Variants in NWD1 observed in about 807,000 individuals in gnomAD.
NWD1 encodes NACHT and WD repeat domain containing 1, also known as NACHT domain- and WD repeat-containing protein 1.
Under a neutral mutation model 135.1 loss-of-function variants are expected in NWD1, and 129 were observed. That is an observed-to-expected ratio of 0.96 (90% CI 0.83 to 1.11). NWD1 has a LOEUF of 1.11. Ranked by LOEUF, NWD1 falls within the 50% of genes least tolerant of loss-of-function variation. The pLI is 0.00. For missense variants in NWD1, 1,740 were observed against 1,851.3 expected (o/e 0.94, Z 1.10); for synonymous variants, 773 against 786.0 (o/e 0.98, Z 0.28).
At position 16,750,211 on chromosome 19, in the gene NWD1, C is replaced by T; in HGVS notation, c.1569C>T (p.Leu523=). 1 of 1,613,264 alleles carries T rather than the reference C, an allele frequency of 6.2e-7. No homozygotes were observed. The highest frequency in any genetic ancestry group is 8.5e-7 in the Non-Finnish European group (1 of 1,179,686). The part of the protein sequence containing the change: ...RTLSPVHTDL[L]WASLPECGNP... Reference sequence around the variant, plus strand: ...TGAGCCCGGTGCACACAGATTTGCTCTGGGCCAGCCTCCCAGAGTGTGGGA... The same window carrying T: ...TGAGCCCGGTGCACACAGATTTGCTTTGGGCCAGCCTCCCAGAGTGTGGGA... The change falls in exon 6 of 19, where the codon CTC becomes CTT. Residue 523 remains leucine, a synonymous_variant. Coordinates refer to ENST00000524140, the MANE Select transcript of NWD1 (RefSeq NM_001007525.5).
Position 16,791,590 on chromosome 19 carries a change from GTTACCGGGTTTAGCAA to G in NWD1, c.3183_3198del (p.Thr1062AlafsTer21). ...CTCAGTCCAGAAGCAAGGAAAGCTT[GTTACCGGGTTTAGCAA>G]TGGCTCCATCTCTTTGGTAAGCACC... On this transcript the variant is annotated frameshift_variant, in exon 14 of 19. Transcript: ENST00000524140. LOFTEE classifies it high-confidence loss of function. The G allele has an allele frequency of 6.2e-7, 1 of 1,614,208 alleles. No homozygotes were observed. Among genetic ancestry groups the G allele is most frequent in the Non-Finnish European group, 8.5e-7 (1 of 1,180,036 alleles).
Position 16,762,063 on chromosome 19 carries a change from A to G in NWD1, c.2058A>G (p.Ser686=). ...ATGGCGTCCTGGCCGACTTCTTCTC[A>G]GGGACCTGGAGCCAGGGTACCAAGA... is the stretch of plus-strand genomic sequence containing the variant. ...KRHGVLADFF[S]GTWSQGTKKL... is the part of the protein sequence containing the mutation. The change falls in exon 8 of 19, where the codon TCA becomes TCG. Residue 686 remains serine, a synonymous_variant. Transcript: ENST00000524140. The G allele has an allele frequency of 6.2e-7, 1 of 1,614,096 alleles. No individual in the cohort carries two copies.
intron 6 of NWD1, among the ~76,000 whole-genome samples, chr19:16,757,586 C>G (rs1298442021): frequency 1.3e-5 from 2 of 152,186 alleles, no homozygotes; most frequent in Non-Finnish European, 2.9e-5. Context: ...TGACCATGCA[C>G]AGCCCTGTTT....
chr19:16,783,004 C>G (rs1969911648), intron 12 of NWD1, among the ~76,000 whole-genome samples: 1 of 136,222 alleles, frequency 7.3e-6, no homozygotes, highest in South Asian at 2.4e-4. Context: ...TTCTCTCTCT[C>G]TTTCTTTCTT....
intron 4 of NWD1, among the ~76,000 whole-genome samples, chr19:16,738,566 C>CAAAA (rs770498066): frequency 1.1e-5 from 1 of 91,506 alleles, no homozygotes; most frequent in African/African-American, 3.8e-5. Flanking sequence ...GAGACTCTGT[C>CAAAA]AAAAAAAAAA....
chr19:16,814,806 A>G (rs924251433), intron 18 of NWD1, among the ~76,000 whole-genome samples: 4 of 152,192 alleles, frequency 2.6e-5, no homozygotes, highest in African/African-American at 9.7e-5. Flanking sequence ...GACCTGCATG[A>G]TGCCTTTCAA....
chr19:16,725,454 G>T (rs1306717828), intron 2 of NWD1, among the ~76,000 whole-genome samples: 2 of 151,966 alleles, frequency 1.3e-5, no homozygotes, highest in Admixed American at 1.3e-4. Flanking sequence ...CTCCAGCCTG[G>T]GTGGCAGAGC....
chr19:16,812,927 A>C, intron 18 of NWD1: 1 of 774,352 alleles, frequency 1.3e-6, no homozygotes, highest in Non-Finnish European at 2.4e-6. Flanking sequence ...CCTGGGCATT[A>C]GAGGGCCCTG....
chr19:16,755,085 C>G (rs1968736844), intron 6 of NWD1, among the ~76,000 whole-genome samples: 2 of 152,202 alleles, frequency 1.3e-5, no homozygotes, highest in South Asian at 4.1e-4. Context: ...ATCTATCCAC[C>G]TATTTAAATG....
At chr19:16,797,328 CTTTTTTTTTTT>C (rs764836395) in intron 15 of NWD1, among the ~76,000 whole-genome samples, 2 of 120,356 alleles carry the variant, frequency 1.7e-5, no homozygotes, top group Non-Finnish European at 3.3e-5. Context: ...CAAAACATCT[CTTTTTTTTTTT>C]TTTTTTTTTG....
chr19:16,790,485 G>T (rs973823159), intron 13 of NWD1, among the ~76,000 whole-genome samples: 2 of 151,576 alleles, frequency 1.3e-5, no homozygotes, highest in Non-Finnish European at 2.9e-5. Context: ...GTAAGGGGAG[G>T]GAGAGCATTA....
In NWD1 at chr19:16,807,754, T is replaced by C; in HGVS notation, c.3905T>C (p.Ile1302Thr). Reference protein sequence around the residue: ...CIPPPEARKAINCMSLSKCED... With the variant: ...CIPPPEARKATNCMSLSKCED... ...CCCCCTCCCGAGGCCCGGAAAGCAA[T>C]CAACTGCATGTCCCTGAGCAAGTGC... Residue 1302 changes from isoleucine (I) to threonine (T), a missense_variant, in exon 18 of 19, where the codon ATC becomes ACC. Transcript: ENST00000524140. The C allele has an allele frequency of 6.2e-7, 1 of 1,612,974 alleles. No individual in the cohort carries two copies. Among genetic ancestry groups the C allele is most frequent in the Non-Finnish European group, 8.5e-7 (1 of 1,179,220 alleles).
intron 5 of NWD1, among the ~76,000 whole-genome samples, chr19:16,747,139 C>A (rs1008619995): frequency 6.6e-5 from 10 of 150,570 alleles, no homozygotes; most frequent in Admixed American, 2.7e-4. Flanking sequence ...CAGGTTCAAG[C>A]AATTCTCCTG....
chr19:16,757,418 A>C (rs1240899753), intron 6 of NWD1, among the ~76,000 whole-genome samples: 2 of 152,180 alleles, frequency 1.3e-5, no homozygotes, highest in African/African-American at 2.4e-5. Context: ...AGGACCAATG[A>C]GATCATACTC....
At chr19:16,759,844 A>T (rs974654929) in intron 7 of NWD1, among the ~76,000 whole-genome samples, 21 of 152,020 alleles carry the variant, frequency 1.4e-4, no homozygotes, top group Non-Finnish European at 1.5e-4. Flanking sequence ...AAATACAAAA[A>T]TTAGCCAGAC....
At chr19:16,721,006 G>A (rs902725984) in intron 1 of NWD1, among the ~76,000 whole-genome samples, 7 of 151,890 alleles carry the variant, frequency 4.6e-5, no homozygotes, top group Non-Finnish European at 2.9e-5. Flanking sequence ...ACATGCCACC[G>A]CGCCAGCTAA....
chr19:16,814,382 G>A (rs571462721), intron 18 of NWD1, among the ~76,000 whole-genome samples: 6 of 152,176 alleles, frequency 3.9e-5, no homozygotes, highest in East Asian at 1.9e-4. Context: ...TAGAAAAGGC[G>A]CTCATTGTGT....
At chr19:16,724,767 C>T (rs1368901629) in intron 2 of NWD1, among the ~76,000 whole-genome samples, 1 of 152,050 alleles carries the variant, frequency 6.6e-6, no homozygotes, top group Non-Finnish European at 1.5e-5. Flanking sequence ...CATCTTGGCT[C>T]ATGCAACCTC....
chr19:16,751,277 T>C (rs1157787782), intron 6 of NWD1, among the ~76,000 whole-genome samples: 1 of 151,170 alleles, frequency 6.6e-6, no homozygotes, highest in African/African-American at 2.4e-5. Context: ...CTGGGGCCAT[T>C]GCTCAGAGAT....
Sources: allele counts gnomAD v4.1 joint callset (sites outside exome capture counted in the v4.1 genomes callset), GRCh38; gene constraint gnomAD v4.1.1; transcripts MANE v1.5; gene names NCBI Gene and HGNC (gene_info 2026-07-23, HGNC 2026-07-21).